Variants in GFM1 observed in about 807,000 individuals in gnomAD.
The protein encoded by GFM1 is G elongation factor mitochondrial 1, also known as elongation factor G, mitochondrial.
Under a neutral mutation model 96.2 loss-of-function variants are expected in GFM1, and 62 were observed. The observed-to-expected ratio is 0.64, with a 90% confidence interval of 0.53 to 0.80. GFM1 has a LOEUF of 0.80. Ranked by LOEUF, GFM1 falls within the 30% of genes least tolerant of loss-of-function variation. The probability of loss-of-function intolerance (pLI) is 0.00; values close to 1 mark genes in which losing one functional copy is unlikely to be tolerated. For missense variants in GFM1, 852 were observed against 916.6 expected (o/e 0.93, Z 0.91); for synonymous variants, 282 against 312.9 (o/e 0.90, Z 1.04).
intron 16 of GFM1, 38 bp from the exon 17 acceptor site, chr3:158,691,101 A>T: frequency 7.2e-7 from 1 of 1,395,040 alleles, no homozygotes; most frequent in Non-Finnish European, 1.0e-6. Flanking sequence ...ATATTTTCCA[A>T]TAAGCAGTGC....
intron 13 of GFM1, chr3:158,668,905 A>C: frequency 8.6e-7 from 1 of 1,165,066 alleles, no homozygotes; most frequent in Non-Finnish European, 1.2e-6. Context: ...ATACAAAATG[A>C]CTATAGGAAT....
chr3:158,686,721 G>T (rs1215281981), intron 15 of GFM1, among the ~76,000 whole-genome samples: 10 of 85,746 alleles, frequency 1.2e-4, no homozygotes, highest in Admixed American at 5.3e-4. Context: ...TTGAATTGAG[G>T]TTTTTTTTTT....
chr3:158,654,399 C>T, intron 7 of GFM1, 148 bp from the exon 8 acceptor site: 2 of 589,232 alleles, frequency 3.4e-6, no homozygotes, highest in Non-Finnish European at 6.0e-6. Flanking sequence ...TTCTATTGAT[C>T]TCTTTCAGTG....
chr3:158,691,896 C>T lies in GFM1; in HGVS notation c.*429C>T, dbSNP rs914802350. 1.4e-4 allele frequency: 25 copies of T among 176,796 alleles called. No homozygotes were observed. Among genetic ancestry groups the T allele is most frequent in the South Asian group, 3.5e-4 (3 of 8,548 alleles). 11.0% of individuals were successfully genotyped at this position (176,796 alleles called of 1,614,324 possible). A position where few individuals can be genotyped will look rare whatever the true frequency, so the allele number is the denominator to read the frequency against. On this transcript the variant is annotated 3_prime_UTR_variant, in exon 18 of 18. Transcript: ENST00000486715. ...CTTTCCATCTACCTTCCTTTGTTAA[C>T]GGGTTGTTTATCATATAATAATTTG...
At position 158,666,387 on chromosome 3, in the gene GFM1, G is replaced by A. The variant is rs748116978; in HGVS notation, c.1601+1G>A. The stretch of plus-strand genomic sequence containing the variant: ...GAGAGACCATTACTGCCCCTGTCCC[G>A]TAAGTATGCAACGTAATTAAACATT... On this transcript the variant is annotated splice_donor_variant, in intron 13 of 17. Coordinates refer to ENST00000486715, the MANE Select transcript of GFM1 (RefSeq NM_024996.7). LOFTEE classifies it high-confidence loss of function. 7.4e-6 allele frequency: 12 copies of A among 1,611,166 alleles called. No individual in the cohort carries two copies. The highest frequency in any genetic ancestry group is 9.3e-6 in the Non-Finnish European group (11 of 1,177,460).
chr3:158,675,156 G>C (rs139605864), intron 13 of GFM1, among the ~76,000 whole-genome samples: 15 of 151,322 alleles, frequency 9.9e-5, no homozygotes, highest in Admixed American at 7.2e-4. Flanking sequence ...GCGTGGCGGC[G>C]GGCGCCTGTA....
chr3:158,685,224 A>T (rs1037794778), intron 15 of GFM1: 1 of 153,218 alleles, frequency 6.5e-6, no homozygotes, highest in East Asian at 1.9e-4. Context: ...CTAGAACCTT[A>T]TGCAGTTGCA....
rs1722340283 is a variant in GFM1, at chr3:158,652,086, G to T, written c.690-10G>T. ...ATATCCTTAAAGCACCAAAATATTT[G>T]CTTTCTTAGTCAGATTGTTCGATAT... is the stretch of plus-strand genomic sequence containing the variant. On this transcript the variant is annotated splice_polypyrimidine_tract_variant and intron_variant, in intron 5 of 17. Transcript: ENST00000486715. 1 of 1,613,120 alleles carries T rather than the reference G, an allele frequency of 6.2e-7. No homozygotes were observed. Among genetic ancestry groups the T allele is most frequent in the Admixed American group, 1.7e-5 (1 of 59,980 alleles).
intron 13 of GFM1, chr3:158,669,234 G>A (rs1724026680): frequency 3.0e-6 from 4 of 1,328,462 alleles, no homozygotes; most frequent in Non-Finnish European, 4.1e-6. Flanking sequence ...CGAATGTTGT[G>A]CAAAAAATAA....
chr3:158,681,438 T>A (rs549525514), intron 13 of GFM1, among the ~76,000 whole-genome samples: 1 of 152,358 alleles, frequency 6.6e-6, no homozygotes, highest in East Asian at 1.9e-4. Context: ...TCTTTCTGTG[T>A]CTTTTGAATG....
intron 7 of GFM1, 121 bp downstream of exon 7, chr3:158,653,588 A>C (rs1415201146): frequency 2.6e-6 from 2 of 762,108 alleles, no homozygotes; most frequent in African/African-American, 1.8e-5. Context: ...ATTTACAATC[A>C]TGGTTTTTAT....
chr3:158,653,897 C>A (rs1435192622), intron 7 of GFM1, among the ~76,000 whole-genome samples: 1 of 152,036 alleles, frequency 6.6e-6, no homozygotes, highest in Non-Finnish European at 1.5e-5. Context: ...ATGGAGAAAC[C>A]CCGTCTCTAC....
chr3:158,688,483 T>C (rs1384701245), intron 15 of GFM1, among the ~76,000 whole-genome samples: 3 of 152,188 alleles, frequency 2.0e-5, no homozygotes, highest in Non-Finnish European at 4.4e-5. Context: ...CCTCTTTCCT[T>C]CCCTTTACCC....
intron 8 of GFM1, chr3:158,656,617 G>C (rs562597443): frequency 6.6e-6 from 1 of 152,230 alleles, no homozygotes; most frequent in East Asian, 1.9e-4. Flanking sequence ...GGGGAATTAT[G>C]TTCCACCCCC....
At chr3:158,662,061 A>G (rs558868249) in intron 10 of GFM1, among the ~76,000 whole-genome samples, 4 of 152,334 alleles carry the variant, frequency 2.6e-5, no homozygotes, top group African/African-American at 7.2e-5. Context: ...TGAAACAAAC[A>G]GGCCTTGGTT....
At chr3:158,676,008 C>T (rs1432021101) in intron 13 of GFM1, among the ~76,000 whole-genome samples, 1 of 152,204 alleles carries the variant, frequency 6.6e-6, no homozygotes, top group Non-Finnish European at 1.5e-5. Flanking sequence ...TGCAGTGGCT[C>T]ACACCTGTAA....
At chr3:158,665,580 T>G (rs563209083) in intron 12 of GFM1, 106 bp downstream of exon 12, 1 of 945,872 alleles carries the variant, frequency 1.1e-6, no homozygotes, top group African/African-American at 1.6e-5. Context: ...TGGTTCTTCA[T>G]GCGTCACTCT....
intron 13 of GFM1, among the ~76,000 whole-genome samples, chr3:158,675,158 G>C (rs1724764277): frequency 1.4e-5 from 2 of 148,106 alleles, no homozygotes. Flanking sequence ...GTGGCGGCGG[G>C]CGCCTGTAAT....
intron 4 of GFM1, 143 bp downstream of exon 4, chr3:158,647,090 AC>A (rs1481792922): frequency 2.9e-6 from 2 of 700,066 alleles, no homozygotes; most frequent in African/African-American, 3.5e-5. Context: ...AGTAAGTGGA[AC>A]ACTGATTTTA....
Sources: gnomAD v4.1 joint callset for allele counts (sites outside exome capture counted in the v4.1 genomes callset) on GRCh38, gnomAD v4.1.1 for gene constraint, MANE v1.5 for transcripts, NCBI Gene and HGNC (gene_info 2026-07-23, HGNC 2026-07-21) for gene names.